CAMK2B: variants seen among roughly 807,000 people sequenced by gnomAD.
The protein encoded by CAMK2B is calcium/calmodulin dependent protein kinase II beta.
A neutral mutation model predicts 93.7 loss-of-function variants in CAMK2B; 27 were observed. That is an observed-to-expected ratio of 0.29 (90% CI 0.21 to 0.40). The LOEUF (loss-of-function observed/expected upper bound fraction) is 0.40, where lower values mean the gene tolerates loss of function less well. Among genes scored for constraint, CAMK2B ranks in the 10% least tolerant of loss-of-function variants. The pLI is 1.00. For missense variants in CAMK2B, 568 were observed against 895.8 expected (o/e 0.63, Z 4.67); for synonymous variants, 374 against 358.8 (o/e 1.04, Z -0.48).
intron 13 of CAMK2B, among the ~76,000 whole-genome samples, chr7:44,237,581 C>T (rs186492657): frequency 3.9e-5 from 6 of 152,328 alleles, no homozygotes; most frequent in East Asian, 3.9e-4. Flanking sequence ...GCATGGCTCC[C>T]GGCCAACCAT....
intron 21 of CAMK2B, 25 bp downstream of exon 21, chr7:44,220,801 C>CT (rs770881109): frequency 6.4e-6 from 9 of 1,409,216 alleles, no homozygotes; most frequent in South Asian, 1.3e-5. Flanking sequence ...TCCTGCACAG[C>CT]CCCCCCCCAG....
chr7:44,256,267 G>A (rs780712780), intron 4 of CAMK2B, among the ~76,000 whole-genome samples: 6 of 152,232 alleles, frequency 3.9e-5, no homozygotes, highest in Non-Finnish European at 8.8e-5. Context: ...CCGTGTGAGG[G>A]TGTGTGTGTG....
intron 8 of CAMK2B, 46 bp from the exon 9 acceptor site, chr7:44,242,700 C>A: frequency 7.2e-7 from 1 of 1,383,632 alleles, no homozygotes; most frequent in African/African-American, 1.4e-5. Context: ...CAGGGTGCCA[C>A]CGTCCATGAA....
Position 44,232,833 on chromosome 7 carries a change from C to A in CAMK2B, c.1165G>T (p.Asp389Tyr). ...AAGTGGGGCAGTACCTTAATCCCGTCCACTGGGTTATGGATGACGGTGGTT... is the reference window on the plus strand; with the variant it reads ...AAGTGGGGCAGTACCTTAATCCCGTACACTGGGTTATGGATGACGGTGGTT... ...PQTTVIHNPV[D>Y]GIKESSDSAN... The change falls in exon 16 of 24, where the codon GAC (aspartate) becomes TAC (tyrosine). Residue 389 changes from aspartate (D) to tyrosine (Y), a missense_variant. Coordinates refer to ENST00000395749, the MANE Select transcript of CAMK2B (RefSeq NM_001220.5). 1 of 1,614,016 alleles carries A rather than the reference C, an allele frequency of 6.2e-7. No individual in the cohort carries two copies. Among genetic ancestry groups the A allele is most frequent in the South Asian group, 1.1e-5 (1 of 91,074 alleles).
intron 6 of CAMK2B, 139 bp downstream of exon 6, chr7:44,246,981 C>T (rs2096737571): frequency 1.5e-6 from 1 of 674,330 alleles, no homozygotes; most frequent in Admixed American, 2.3e-5. Context: ...CATGCATGCA[C>T]ACAAGGACAC....
At chr7:44,235,351 C>A (rs1337189723) in intron 13 of CAMK2B, among the ~76,000 whole-genome samples, 2 of 152,256 alleles carry the variant, frequency 1.3e-5, no homozygotes, top group African/African-American at 4.8e-5. Flanking sequence ...GGCCTTTCTG[C>A]CCACAAGCCC....
rs1795180715 is a variant in CAMK2B at position 44,317,820 on chromosome 7, A to G, written c.65+7537T>C. ...GAAGGTAAACTTCAAATTCATGCCT[A>G]GGTGGGCTCTGAAAGAACCAAGGGT... On this transcript the variant is annotated intron_variant, in intron 1 of 23. Transcript: ENST00000395749. Among the ~76,000 whole-genome samples the G allele has an allele frequency of 5.9e-5, 9 of 152,292 alleles. No homozygotes were observed. The South Asian group carries it at 1.7e-3, about 28-fold the overall frequency.
chr7:44,234,930 C>T (rs980024570), intron 13 of CAMK2B, among the ~76,000 whole-genome samples: 1 of 152,238 alleles, frequency 6.6e-6, no homozygotes, highest in Admixed American at 6.5e-5. Context: ...TCTGACCAGA[C>T]CCAGAGATGC....
At chr7:44,280,478 C>T (rs534411111) in intron 2 of CAMK2B, among the ~76,000 whole-genome samples, 5 of 152,178 alleles carry the variant, frequency 3.3e-5, no homozygotes, top group East Asian at 1.9e-4. Context: ...AGGAAGGGCC[C>T]GAGGTGGGTG....
intron 1 of CAMK2B, chr7:44,324,970 G>C (rs1585010217): frequency 6.6e-6 from 1 of 151,694 alleles, no homozygotes; most frequent in Non-Finnish European, 1.5e-5. Flanking sequence ...GGCCGCAGCC[G>C]ACCCCTCCCG....
chr7:44,325,638 G>T (rs1270093300), upstream of CAMK2B: 3 of 150,836 alleles, frequency 2.0e-5, no homozygotes, highest in South Asian at 1.8e-4. Flanking sequence ...ACCTACGCGC[G>T]GGGAGGCGCG....
chr7:44,270,812 T>A (rs2096967647), intron 2 of CAMK2B, among the ~76,000 whole-genome samples: 1 of 152,196 alleles, frequency 6.6e-6, no homozygotes, highest in South Asian at 2.1e-4. Flanking sequence ...CAGCAGCCCC[T>A]CCCTGCACTG....
chr7:44,293,453 G>C (rs1278791231), intron 1 of CAMK2B, among the ~76,000 whole-genome samples: 1 of 152,176 alleles, frequency 6.6e-6, no homozygotes, highest in Non-Finnish European at 1.5e-5. Flanking sequence ...TAGACAGCCA[G>C]ATCGAGTTTG....
intron 2 of CAMK2B, among the ~76,000 whole-genome samples, chr7:44,281,399 A>G (rs2097101228): frequency 6.6e-6 from 1 of 152,194 alleles, no homozygotes; most frequent in Non-Finnish European, 1.5e-5. Context: ...GCCTGGGCTC[A>G]AGCCAGCAGC....
intron 1 of CAMK2B, among the ~76,000 whole-genome samples, chr7:44,303,377 TA>T (rs1790627875): frequency 6.6e-6 from 1 of 152,334 alleles, no homozygotes; most frequent in African/African-American, 2.4e-5. Context: ...ACCGGCAAGT[TA>T]TTTTGTGTAT....
At chr7:44,293,396 G>A (rs1470223383) in intron 1 of CAMK2B, among the ~76,000 whole-genome samples, 2 of 152,204 alleles carry the variant, frequency 1.3e-5, no homozygotes, top group Non-Finnish European at 2.9e-5. Flanking sequence ...TGATGCATGG[G>A]AGCGCTTCCA....
At chr7:44,303,903 A>G (rs1790760120) in intron 1 of CAMK2B, among the ~76,000 whole-genome samples, 1 of 152,260 alleles carries the variant, frequency 6.6e-6, no homozygotes, top group South Asian at 2.1e-4. Context: ...ATTCAACAAT[A>G]TAGAAACAAC....
chr7:44,247,046 C>T (rs2096738202), intron 6 of CAMK2B, 74 bp downstream of exon 6: 3 of 1,231,932 alleles, frequency 2.4e-6, no homozygotes, highest in Non-Finnish European at 3.6e-6. Context: ...ACTGTCCAGC[C>T]CCTCACACTT....
intron 1 of CAMK2B, among the ~76,000 whole-genome samples, chr7:44,308,519 T>C (rs1792568110): frequency 6.6e-6 from 1 of 151,906 alleles, no homozygotes; most frequent in Admixed American, 6.6e-5. Flanking sequence ...GCCCTCCTCC[T>C]GTGCATCCCC....
Sources: allele counts gnomAD v4.1 joint callset (sites outside exome capture counted in the v4.1 genomes callset), GRCh38; gene constraint gnomAD v4.1.1; transcripts MANE v1.5; gene names NCBI Gene and HGNC (gene_info 2026-07-23, HGNC 2026-07-21).